The following FAM110B variants were observed in gnomAD, a reference collection of about 807,000 sequenced individuals.
FAM110B encodes family with sequence similarity 110 member B.
FAM110B carries 6 observed loss-of-function variants against 20.4 expected under a neutral mutation model. The ratio of observed to expected loss-of-function variants is 0.29; its 90% CI spans 0.16 to 0.58. The LOEUF (loss-of-function observed/expected upper bound fraction) is 0.58. Ranked by LOEUF, FAM110B falls within the 20% of genes least tolerant of loss-of-function variation. The pLI, the probability that FAM110B is intolerant of heterozygous loss-of-function variation, is 0.90. For synonymous variants in FAM110B, 226 were observed against 214.1 expected, an observed-to-expected ratio of 1.06 and a Z score of -0.49; for missense variants, 434 against 498.2, an observed-to-expected ratio of 0.87 and a Z score of 1.23.
rs556073341 is a variant in FAM110B at position 58,147,520 on chromosome 8, A to T, written c.*177A>T. On this transcript the variant is annotated 3_prime_UTR_variant, in exon 4 of 4. Transcript: ENST00000519262. ...ACCTGGCTTCCACGTCACCATCGCT[A>T]CAGAGCCTGGCTGAACACGCGTCAT... 4 of 767,998 alleles carry T rather than the reference A, an allele frequency of 5.2e-6. No individual in the cohort carries two copies. In the African/African-American group the frequency reaches 7.1e-5, roughly 14 times the overall value. 47.6% of individuals were successfully genotyped at this position (767,998 alleles called of 1,614,324 possible).
At chr8:58,083,097 G>A (rs541800723) in intron 3 of FAM110B, among the ~76,000 whole-genome samples, 5 of 151,914 alleles carry the variant, frequency 3.3e-5, no homozygotes, top group South Asian at 2.1e-4. Context: ...GTCACTGTAC[G>A]TTGCTCATCT....
chr8:58,132,685 G>A (rs988134402), intron 3 of FAM110B, among the ~76,000 whole-genome samples: 6 of 152,108 alleles, frequency 3.9e-5, no homozygotes, highest in Admixed American at 6.5e-5. Context: ...GCTGACAGGC[G>A]GCCAACAAAT....
intron 2 of FAM110B, among the ~76,000 whole-genome samples, chr8:58,068,826 A>T (rs1166417359): frequency 2.6e-5 from 4 of 152,204 alleles, no homozygotes; most frequent in Admixed American, 6.5e-5. Flanking sequence ...GGAGAGTTGC[A>T]TTTGACTGGC....
intron 2 of FAM110B, among the ~76,000 whole-genome samples, chr8:58,058,438 C>T (rs1225511584): frequency 4.6e-5 from 7 of 151,178 alleles, no homozygotes; most frequent in Admixed American, 2.6e-4. Flanking sequence ...AAAAGAAAAA[C>T]TGGTAAGAAA....
chr8:58,146,442 A>G lies in FAM110B; in HGVS notation c.212A>G (p.Lys71Arg), dbSNP rs1382828019. 10 of 1,613,570 alleles carry G rather than the reference A, an allele frequency of 6.2e-6. No individual in the cohort carries two copies. The South Asian group carries it at 1.1e-4, about 18-fold the overall frequency. Residue 71 changes from lysine (K) to arginine (R), a missense_variant, in exon 4 of 4, where the codon AAG (lysine) becomes AGG (arginine). Coordinates refer to ENST00000519262, the MANE Select transcript of FAM110B (RefSeq NM_001377989.1). Reference sequence around the variant, plus strand: ...AAGAGCCAGGAGGTGATCAACGCCAAGCAGGAGCCCGTGAAGCCCGCCGTG... The same window carrying G: ...AAGAGCCAGGAGGTGATCAACGCCAGGCAGGAGCCCGTGAAGCCCGCCGTG... ...YVKSQEVINA[K>R]QEPVKPAVLA... is the part of the protein sequence containing the mutation.
chr8:58,000,761 C>T (rs1253173521), intron 1 of FAM110B, among the ~76,000 whole-genome samples: 2 of 152,170 alleles, frequency 1.3e-5, no homozygotes, highest in East Asian at 3.8e-4. Context: ...TGTGTTTTTA[C>T]CACATAGTTA....
intron 3 of FAM110B, among the ~76,000 whole-genome samples, chr8:58,084,607 C>T (rs1411110951): frequency 1.3e-5 from 2 of 152,136 alleles, no homozygotes; most frequent in Admixed American, 6.5e-5. Context: ...CCAGGATGGT[C>T]TCGATCTCTT....
rs573312787 is a variant in FAM110B at position 58,068,391 on chromosome 8, T to G, written c.-413-7144T>G. ...CACTCTTGAATTTATGGACCATGAG[T>G]TTCTGTGCTTTCCCTTGAAGTTTAT... On this transcript the variant is annotated intron_variant, in intron 2 of 3. Coordinates refer to ENST00000519262, the MANE Select transcript of FAM110B (RefSeq NM_001377989.1). Among the ~76,000 whole-genome samples the G allele has an allele frequency of 1.2e-3, 188 of 152,332 alleles. 1 individual carries two copies. The highest frequency in any genetic ancestry group is 4.4e-3 in the African/African-American group (182 of 41,588).
At chr8:57,998,217 A>G (rs11774328) in intron 1 of FAM110B, among the ~76,000 whole-genome samples, 93,261 of 152,096 alleles carry the variant, frequency 0.61, 31,067 homozygotes, top group African/African-American at 0.88. Context: ...GTTAAAGATC[A>G]CTTGTTTTAG....
At chr8:58,066,090 T>C (rs955411165) in intron 2 of FAM110B, among the ~76,000 whole-genome samples, 1 of 152,040 alleles carries the variant, frequency 6.6e-6, no homozygotes, top group Non-Finnish European at 1.5e-5. Flanking sequence ...TCATGCCCCT[T>C]CCAGAGCCTC....
chr8:58,145,130 T>C (rs1803830963), intron 3 of FAM110B, among the ~76,000 whole-genome samples: 1 of 152,168 alleles, frequency 6.6e-6, no homozygotes. Context: ...AAATTATGGA[T>C]AACTTAGGGA....
intron 3 of FAM110B, among the ~76,000 whole-genome samples, chr8:58,121,076 C>A (rs139357333): frequency 6.6e-6 from 1 of 152,130 alleles, no homozygotes; most frequent in Non-Finnish European, 1.5e-5. Flanking sequence ...AGGAGACAGA[C>A]AATAAATGTA....
Position 58,146,449 on chromosome 8 carries a change from G to C in FAM110B, c.219G>C (p.Glu73Asp), listed in dbSNP as rs1423331806. Reference protein sequence around the residue: ...KSQEVINAKQEPVKPAVLAKP... With the variant: ...KSQEVINAKQDPVKPAVLAKP... ...AGGAGGTGATCAACGCCAAGCAGGA[G>C]CCCGTGAAGCCCGCCGTGCTGGCCA... The change falls in exon 4 of 4, where the codon GAG (glutamate) becomes GAC (aspartate). Residue 73 changes from glutamate (E) to aspartate (D), a missense_variant. By Grantham distance (45) the Glu-to-Asp change is conservative (BLOSUM62 2). Coordinates refer to ENST00000519262, the MANE Select transcript of FAM110B (RefSeq NM_001377989.1). 6.2e-7 allele frequency: 1 copy of C among 1,613,394 alleles called. No homozygotes were observed. Among genetic ancestry groups the C allele is most frequent in the African/African-American group, 1.3e-5 (1 of 74,940 alleles).
chr8:58,110,699 C>T (rs932031832), intron 3 of FAM110B, among the ~76,000 whole-genome samples: 10 of 152,186 alleles, frequency 6.6e-5, no homozygotes, highest in African/African-American at 2.4e-4. Flanking sequence ...TATTACATTT[C>T]CTTTTTTATT....
At chr8:58,101,248 T>C (rs983670160) in intron 3 of FAM110B, among the ~76,000 whole-genome samples, 1 of 152,120 alleles carries the variant, frequency 6.6e-6, no homozygotes, top group African/African-American at 2.4e-5. Context: ...ATTTTGTAAA[T>C]CTGTAATTTT....
intron 3 of FAM110B, among the ~76,000 whole-genome samples, chr8:58,137,514 T>G (rs923894485): frequency 1.3e-5 from 2 of 151,938 alleles, no homozygotes; most frequent in Non-Finnish European, 2.9e-5. Context: ...GAGCTAAGAT[T>G]GCGCCATTGC....
intron 1 of FAM110B, among the ~76,000 whole-genome samples, chr8:57,998,025 G>A (rs1316193855): frequency 3.9e-5 from 6 of 152,204 alleles, no homozygotes; most frequent in Admixed American, 6.5e-5. Flanking sequence ...ACATTCAGTT[G>A]CTGGAAGTGT....
At chr8:58,069,367 T>C (rs1228930967) in intron 2 of FAM110B, among the ~76,000 whole-genome samples, 2 of 152,168 alleles carry the variant, frequency 1.3e-5, no homozygotes, top group Non-Finnish European at 1.5e-5. Context: ...CCTATCATTG[T>C]CTTAGACACA....
intron 1 of FAM110B, among the ~76,000 whole-genome samples, chr8:58,000,945 C>G (rs1490335315): frequency 6.6e-6 from 1 of 152,148 alleles, no homozygotes; most frequent in African/African-American, 2.4e-5. Context: ...TGTTTAGTGA[C>G]AATGATAGAA....
Sources: allele counts gnomAD v4.1 joint callset (sites outside exome capture counted in the v4.1 genomes callset), GRCh38; gene constraint gnomAD v4.1.1; transcripts MANE v1.5; gene names NCBI Gene and HGNC (gene_info 2026-07-23, HGNC 2026-07-21).